The following ZNF2 variants were observed in gnomAD, a reference collection of about 807,000 sequenced individuals.
ZNF2 encodes zinc finger protein 2.2.
ZNF2 carries 12 observed loss-of-function variants against 21.9 expected under a neutral mutation model. The ratio of observed to expected loss-of-function variants is 0.55; its 90% CI spans 0.35 to 0.89. ZNF2 has a LOEUF of 0.89. ZNF2 is among the 40% of genes least tolerant of loss of function. ZNF2 has a pLI of 0.01. For missense variants in ZNF2, 462 were observed against 544.2 expected (o/e 0.85, Z 1.50); for synonymous variants, 186 against 196.3 (o/e 0.95, Z 0.44).
chr2:95,172,303 G>C (rs1201966339), intron 1 of ZNF2, among the ~76,000 whole-genome samples: 1 of 152,030 alleles, frequency 6.6e-6, no homozygotes, highest in Non-Finnish European at 1.5e-5. Flanking sequence ...TAGGGAACTG[G>C]GGAACCCTCT....
At chr2:95,176,410 A>G (rs1674447102) in intron 2 of ZNF2, 151 bp downstream of exon 2, 2 of 922,460 alleles carry the variant, frequency 2.2e-6, no homozygotes, top group Non-Finnish European at 3.3e-6. Context: ...GACTTGAGGT[A>G]TCCTTTAGTG....
intron 3 of ZNF2, among the ~76,000 whole-genome samples, chr2:95,177,918 AG>A (rs1674504613): frequency 6.6e-6 from 1 of 152,148 alleles, no homozygotes; most frequent in African/African-American, 2.4e-5. Context: ...TGTGTGTTAG[AG>A]GCAGGGAGCT....
In ZNF2 at chr2:95,182,027, C is replaced by CTG; in HGVS notation, c.1206_1207dup (p.Gly403ValfsTer23). On this transcript the variant is annotated frameshift_variant, in exon 5 of 5. Transcript: ENST00000614034. LOFTEE classifies it high-confidence loss of function. ...ACGGGAGAGAAGCCCTTTGAATGCA[C>CTG]TGTGTGTGGGAAAGTTTTCAGTTCA... is the stretch of plus-strand genomic sequence containing the variant. 1 of 1,614,204 alleles carries CTG rather than the reference C, an allele frequency of 6.2e-7. No individual in the cohort carries two copies. Among genetic ancestry groups the CTG allele is most frequent in the South Asian group, 1.1e-5 (1 of 91,088 alleles).
At chr2:95,176,153 A>T in intron 1 of ZNF2, 35 bp from the exon 2 acceptor site, 1 of 1,586,808 alleles carries the variant, frequency 6.3e-7, no homozygotes, top group Non-Finnish European at 8.7e-7. Context: ...TCTTTCTCCT[A>T]CCTTCTTTCT....
intron 1 of ZNF2, among the ~76,000 whole-genome samples, chr2:95,174,353 A>T (rs950863167): frequency 6.6e-6 from 1 of 152,194 alleles, no homozygotes; most frequent in African/African-American, 2.4e-5. Flanking sequence ...GTCCACACCC[A>T]AATCCTTCAG....
chr2:95,174,552 G>GT (rs1674379476), intron 1 of ZNF2, among the ~76,000 whole-genome samples: 1 of 151,996 alleles, frequency 6.6e-6, no homozygotes, highest in South Asian at 2.1e-4. Flanking sequence ...AAAACTTGAG[G>GT]TTTTTTTCTC....
rs559555809 is a variant in ZNF2, at chr2:95,180,233, G to A, written c.235G>A (p.Gly79Arg). 6.2e-7 allele frequency: 1 copy of A among 1,614,064 alleles called. No individual in the cohort carries two copies. The highest frequency in any genetic ancestry group is 2.2e-5 in the East Asian group (1 of 44,868). The change falls in exon 4 of 5, where the codon GGG (glycine) becomes AGG (arginine). Residue 79 changes from glycine to arginine, a missense_variant. Coordinates refer to ENST00000614034, the MANE Select transcript of ZNF2 (RefSeq NM_021088.4). ...CAAGCCGTGGATGGTAGATCTTCAT[G>A]GGTCTGAGGAGAGAGAATGGCCAGA... ...GDKPWMVDLH[G>R]SEEREWPESV... is the part of the protein sequence containing the mutation.
In ZNF2 at chr2:95,181,988, A is replaced by G; in HGVS notation, c.1160A>G (p.His387Arg). Residue 387 changes from histidine to arginine, a missense_variant, in exon 5 of 5, where the codon CAT (histidine) becomes CGT (arginine). Coordinates refer to ENST00000614034, the MANE Select transcript of ZNF2 (RefSeq NM_021088.4). ...AFSQRCRLTR[H>R]QRVHTGEKPF... ...AGCCAGCGGTGCCGGCTCACGCGGC[A>G]TCAGCGTGTCCACACGGGAGAGAAG... 1 of 1,614,290 alleles carries G rather than the reference A, an allele frequency of 6.2e-7. No individual in the cohort carries two copies. The highest frequency in any genetic ancestry group is 8.5e-7 in the Non-Finnish European group (1 of 1,180,056).
Position 95,180,180 on chromosome 2 carries a change from A to C in ZNF2, c.182A>C (p.Asp61Ala), listed in dbSNP as rs375263741. 1 of 1,613,860 alleles carries C rather than the reference A, an allele frequency of 6.2e-7. No homozygotes were observed. Among genetic ancestry groups the C allele is most frequent in the Non-Finnish European group, 8.5e-7 (1 of 1,179,916 alleles). The change falls in exon 4 of 5, where the codon GAT becomes GCT. Residue 61 changes from aspartate (D) to alanine (A), a missense_variant. Transcript: ENST00000614034. The part of the protein sequence containing the change: ...VSLGLPVPQP[D>A]VIFQLKRGDK... ...GCAGGCCTTCCAGTTCCTCAACCTGATGTGATTTTCCAATTGAAGAGAGGG... is the reference window on the plus strand; with the variant it reads ...GCAGGCCTTCCAGTTCCTCAACCTGCTGTGATTTTCCAATTGAAGAGAGGG...
In ZNF2 at chr2:95,182,228, T is replaced by C; in HGVS notation, c.*122T>C. 2 of 1,255,782 alleles carry C rather than the reference T, an allele frequency of 1.6e-6. No homozygotes were observed. Among genetic ancestry groups the C allele is most frequent in the Non-Finnish European group, 2.2e-6 (2 of 916,980 alleles). The allele number at this position is 1,255,782 out of a possible 1,614,324, so 77.8% of individuals were successfully genotyped here. A position where few individuals can be genotyped will look rare whatever the true frequency, so the allele number is the denominator to read the frequency against. ...GGCTGCCGTTGTCCTGTCCTGCTTCTGCGCCAGAGTGTTTAATAAGCACTC... is the reference window on the plus strand; with the variant it reads ...GGCTGCCGTTGTCCTGTCCTGCTTCCGCGCCAGAGTGTTTAATAAGCACTC... On this transcript the variant is annotated 3_prime_UTR_variant, in exon 5 of 5. Transcript: ENST00000614034.
intron 4 of ZNF2, among the ~76,000 whole-genome samples, chr2:95,180,820 A>G (rs1276687652): frequency 4.6e-5 from 7 of 152,018 alleles, no homozygotes; most frequent in East Asian, 3.9e-4. Context: ...ACACTTTGCT[A>G]TTGCTATTGA....
Position 95,180,848 on chromosome 2 carries a change from C to T in ZNF2, c.275-255C>T, listed in dbSNP as rs146595166. On this transcript the variant is annotated intron_variant, in intron 4 of 4. Coordinates refer to ENST00000614034, the MANE Select transcript of ZNF2 (RefSeq NM_021088.4). ...GCTATTGAGTGCCATCCTGTCTATT[C>T]GGCATGCTCTCCTGATTGTCCTGGC... Among the ~76,000 whole-genome samples the T allele has an allele frequency of 3.2e-4, 48 of 152,196 alleles. 1 individual carries two copies. The highest frequency in any genetic ancestry group is 6.5e-4 in the African/African-American group (27 of 41,552).
rs551706459 is a variant in ZNF2, at chr2:95,180,245, A to G, written c.247A>G (p.Arg83Gly). 9.0e-5 allele frequency: 145 copies of G among 1,613,446 alleles called. 1 individual carries two copies. The South Asian group carries it at 1.5e-3, about 16-fold the overall frequency. Residue 83 changes from arginine to glycine, a missense_variant, in exon 4 of 5, where the codon AGA becomes GGA. Coordinates refer to ENST00000614034, the MANE Select transcript of ZNF2 (RefSeq NM_021088.4). ...GGTAGATCTTCATGGGTCTGAGGAG[A>G]GAGAATGGCCAGAGAGTGTCTCTCT... ...WMVDLHGSEE[R>G]EWPESVSLDW...
At position 95,181,132 on chromosome 2, in the gene ZNF2, G is replaced by C; in HGVS notation, c.304G>C (p.Ala102Pro). ...DWETKPEIHD[A>P]SDKKSEGSLR... Reference sequence around the variant, plus strand: ...GGAAACTAAGCCTGAGATTCACGATGCTTCAGACAAAAAATCAGAAGGATC... The same window carrying C: ...GGAAACTAAGCCTGAGATTCACGATCCTTCAGACAAAAAATCAGAAGGATC... The change falls in exon 5 of 5, where the codon GCT (alanine) becomes CCT (proline). Residue 102 changes from alanine (A) to proline (P), a missense_variant. Transcript: ENST00000614034. 1 of 1,614,082 alleles carries C rather than the reference G, an allele frequency of 6.2e-7. No individual in the cohort carries two copies.
chr2:95,170,827 G>A (rs768448282), intron 1 of ZNF2, among the ~76,000 whole-genome samples: 3 of 152,108 alleles, frequency 2.0e-5, no homozygotes, highest in East Asian at 1.9e-4. Context: ...TGATACTTAC[G>A]TGTGGCCCCA....
At chr2:95,177,881 CA>C (rs1674503228) in intron 3 of ZNF2, among the ~76,000 whole-genome samples, 2 of 152,176 alleles carry the variant, frequency 1.3e-5, no homozygotes, top group South Asian at 4.1e-4. Context: ...CAGGGAGGGC[CA>C]GCGAGGGCTG....
intron 3 of ZNF2, 39 bp downstream of exon 3, chr2:95,177,648 T>TGTGGG (rs1674493174): frequency 3.1e-6 from 5 of 1,588,224 alleles, no homozygotes; most frequent in African/African-American, 2.7e-5. Context: ...GTCTGTACTA[T>TGTGGG]GCTAATGTGG....
intron 2 of ZNF2, 65 bp downstream of exon 2, chr2:95,176,324 C>G: frequency 6.2e-7 from 1 of 1,604,990 alleles, no homozygotes; most frequent in African/African-American, 1.3e-5. Context: ...ACTTTTCTTT[C>G]TCTATCCTGG....
At chr2:95,171,167 G>A (rs1321547751) in intron 1 of ZNF2, among the ~76,000 whole-genome samples, 1 of 152,098 alleles carries the variant, frequency 6.6e-6, no homozygotes, top group African/African-American at 2.4e-5. Flanking sequence ...GGGAGCCAGA[G>A]TCATCTGAGT....
Sources: allele counts gnomAD v4.1 joint callset (sites outside exome capture counted in the v4.1 genomes callset), GRCh38; gene constraint gnomAD v4.1.1; transcripts MANE v1.5; gene names NCBI Gene and HGNC (gene_info 2026-07-23, HGNC 2026-07-21).